Variants in PCDH10 observed in about 807,000 individuals in gnomAD.
The protein encoded by PCDH10 is protocadherin 10.
PCDH10 carries 15 observed loss-of-function variants against 74.4 expected under a neutral mutation model. The ratio of observed to expected loss-of-function variants is 0.20; its 90% CI spans 0.13 to 0.31. PCDH10 has a LOEUF of 0.31. Among genes scored for constraint, PCDH10 ranks in the 10% least tolerant of loss-of-function variants. The pLI is 1.00. For missense variants in PCDH10, 1,260 were observed against 1,390.2 expected, an observed-to-expected ratio of 0.91 and a Z score of 1.49; for synonymous variants, 619 against 589.8, an observed-to-expected ratio of 1.05 and a Z score of -0.72.
downstream of PCDH10, among the ~76,000 whole-genome samples, chr4:133,195,072 A>C (rs1223793786): frequency 6.6e-6 from 1 of 152,066 alleles, no homozygotes; most frequent in East Asian, 1.9e-4. Context: ...ATAGAAATGT[A>C]AGGAAAAATA....
At position 133,194,127 on chromosome 4, in the gene PCDH10, A is replaced by G. The variant is rs1406477519; in HGVS notation, c.*3967A>G. 1 of 151,858 alleles carries G rather than the reference A, an allele frequency of 6.6e-6. No individual in the cohort carries two copies. Among genetic ancestry groups the G allele is most frequent in the Non-Finnish European group, 1.5e-5 (1 of 67,770 alleles). The allele number at this position is 151,858 out of a possible 1,614,324, so 9.4% of individuals were successfully genotyped here. ...GGGTGCCGCCAGAGTATTGCAGGCA[A>G]TAATACGACTAAAATTCTAATACTT... is the stretch of plus-strand genomic sequence containing the variant. On this transcript the variant is annotated 3_prime_UTR_variant, in exon 5 of 5. Coordinates refer to ENST00000264360, the MANE Select transcript of PCDH10 (RefSeq NM_032961.3).
At chr4:133,179,545 T>A (rs759298176) in intron 4 of PCDH10, among the ~76,000 whole-genome samples, 57 of 152,308 alleles carry the variant, frequency 3.7e-4, no homozygotes, top group Non-Finnish European at 7.2e-4. Flanking sequence ...GAAAACCCGC[T>A]TTTCTCTCCA....
In PCDH10 at chr4:133,152,104, A is replaced by G. The variant is rs1260269059; in HGVS notation, c.1964A>G (p.Glu655Gly). ...PAKRDPQRPY[E>G]LVIEVRDHGQ... ...AAGCGCGACCCCCAGCGGCCTTATG[A>G]GCTGGTGATCGAGGTGCGCGACCAT... The change falls in exon 1 of 5, where the codon GAG (glutamate) becomes GGG (glycine). Residue 655 changes from glutamate (E) to glycine (G), a missense_variant. Around this residue, in one of 11 missense-constraint regions of PCDH10, gnomAD observed 587 missense variants for 616.9 expected, o/e 0.95. Transcript: ENST00000264360. 1.3e-6 allele frequency: 2 copies of G among 1,583,204 alleles called. No homozygotes were observed. The highest frequency in any genetic ancestry group is 1.7e-6 in the Non-Finnish European group (2 of 1,165,168).
At chr4:133,180,726 C>T (rs1042876604) in intron 4 of PCDH10, among the ~76,000 whole-genome samples, 4 of 151,762 alleles carry the variant, frequency 2.6e-5, no homozygotes, top group Non-Finnish European at 5.9e-5. Flanking sequence ...ATGAATGCAA[C>T]ATTTTTACTT....
downstream of PCDH10, among the ~76,000 whole-genome samples, chr4:133,195,588 C>A (rs142859069): frequency 1.3e-5 from 2 of 151,716 alleles, no homozygotes; most frequent in Non-Finnish European, 1.5e-5. Context: ...TCTAACAGTG[C>A]GAGAAAGTAA....
At chr4:133,199,875 G>A (rs1727868333) in intron 2 of PCDH10, among the ~76,000 whole-genome samples, 2 of 150,576 alleles carry the variant, frequency 1.3e-5, no homozygotes, top group African/African-American at 4.9e-5. Context: ...TCGGCTCACT[G>A]CAAGTTCCGC....
At chr4:133,199,847 G>C (rs1727867924) in intron 2 of PCDH10, among the ~76,000 whole-genome samples, 1 of 149,496 alleles carries the variant, frequency 6.7e-6, no homozygotes, top group African/African-American at 2.4e-5. Flanking sequence ...ACCCAGGTTG[G>C]AGTGCAGTGG....
chr4:133,207,569 G>GT (rs70959803), intron 2 of PCDH10, among the ~76,000 whole-genome samples: 43 of 150,686 alleles, frequency 2.9e-4, no homozygotes, highest in African/African-American at 1.7e-4. Context: ...TATTTGTGAG[G>GT]TTTTTTTTTC....
rs1167321577 is a variant in PCDH10, at chr4:133,188,665, GTT to G, written c.3104-1452_3104-1451del. Among the ~76,000 whole-genome samples the G allele has an allele frequency of 1.1e-4, 8 of 74,676 alleles. No homozygotes were observed. In the East Asian group the frequency reaches 1.2e-3, roughly 12 times the overall value. The allele number at this position is 74,676 out of a possible 152,430, so 49.0% of individuals were successfully genotyped here. On this transcript the variant is annotated intron_variant, in intron 4 of 4. Coordinates refer to ENST00000264360, the MANE Select transcript of PCDH10 (RefSeq NM_032961.3). ...TGATGATGGTGCCTGACTGCTATGG[GTT>G]TTTTTTTTTTTTTTTTTTTTTTTGA...
intron 2 of PCDH10, among the ~76,000 whole-genome samples, chr4:133,206,510 G>A (rs1430986495): frequency 3.9e-5 from 6 of 152,078 alleles, no homozygotes; most frequent in Non-Finnish European, 2.9e-5. Context: ...CTAAGCCTTG[G>A]GAATTTTTTG....
intron 4 of PCDH10, among the ~76,000 whole-genome samples, chr4:133,171,535 T>G (rs1381961727): frequency 2.0e-5 from 3 of 152,100 alleles, no homozygotes; most frequent in Non-Finnish European, 4.4e-5. Context: ...GTGCAACATG[T>G]AGTAGAAAGT....
chr4:133,205,372 A>G (rs2125878897), intron 2 of PCDH10, among the ~76,000 whole-genome samples: 1 of 152,296 alleles, frequency 6.6e-6, no homozygotes, highest in East Asian at 1.9e-4. Context: ...ATCGTCTTCT[A>G]AGGGAAGTGG....
intron 4 of PCDH10, among the ~76,000 whole-genome samples, chr4:133,173,125 C>T (rs1230102349): frequency 2.6e-5 from 4 of 151,702 alleles, no homozygotes; most frequent in South Asian, 2.1e-4. Flanking sequence ...TTTCTTTGAA[C>T]GCAGATTAGA....
rs773032336 is a variant in PCDH10, at chr4:133,151,711, A to G, written c.1571A>G (p.Tyr524Cys). 2.5e-6 allele frequency: 4 copies of G among 1,613,262 alleles called. No individual in the cohort carries two copies. The highest frequency in any genetic ancestry group is 3.4e-6 in the Non-Finnish European group (4 of 1,180,044). The stretch of plus-strand genomic sequence containing the variant: ...GTTTCTATCAACTCTGAGAACGGCT[A>G]CTTGTACGCCCTGCGCTCCTTCGAC... ...TYVSINSENGYLYALRSFDYE... is the reference protein window; with the variant it reads ...TYVSINSENGCLYALRSFDYE... Residue 524 changes from tyrosine to cysteine, a missense_variant, in exon 1 of 5, where the codon TAC (tyrosine) becomes TGC (cysteine). Tyr to Cys is a radical substitution (Grantham distance 194, BLOSUM62 -2). Coordinates refer to ENST00000264360, the MANE Select transcript of PCDH10 (RefSeq NM_032961.3).
intron 2 of PCDH10, among the ~76,000 whole-genome samples, chr4:133,154,623 C>G (rs886902122): frequency 6.6e-6 from 1 of 152,154 alleles, no homozygotes; most frequent in Admixed American, 6.5e-5. Flanking sequence ...TAGTCTTCCT[C>G]ACTGTTCCAA....
Position 133,151,763 on chromosome 4 carries a change from T to G in PCDH10, c.1623T>G (p.Phe541Leu). 1 of 1,613,126 alleles carries G rather than the reference T, an allele frequency of 6.2e-7. No homozygotes were observed. Among genetic ancestry groups the G allele is most frequent in the East Asian group, 2.2e-5 (1 of 44,856 alleles). Residue 541 changes from phenylalanine to leucine, a missense_variant, in exon 1 of 5, where the codon TTT (phenylalanine) becomes TTG (leucine). Around this residue, in one of 11 missense-constraint regions of PCDH10, gnomAD observed 587 missense variants for 616.9 expected, o/e 0.95. Coordinates refer to ENST00000264360, the MANE Select transcript of PCDH10 (RefSeq NM_032961.3). The part of the protein sequence containing the change: ...FDYEQLKDFS[F>L]QVEARDAGSP... ...ATGAGCAGCTGAAGGACTTCAGTTTTCAGGTGGAAGCCCGGGACGCTGGCA... is the reference window on the plus strand; with the variant it reads ...ATGAGCAGCTGAAGGACTTCAGTTTGCAGGTGGAAGCCCGGGACGCTGGCA...
At chr4:133,178,562 G>A (rs1560712554) in intron 4 of PCDH10, among the ~76,000 whole-genome samples, 2 of 151,788 alleles carry the variant, frequency 1.3e-5, no homozygotes, top group Non-Finnish European at 2.9e-5. Context: ...AAAGTTTTTG[G>A]AAGCAGAAAA....
chr4:133,167,805 C>T (rs1219645435), intron 4 of PCDH10, among the ~76,000 whole-genome samples: 2 of 151,068 alleles, frequency 1.3e-5, no homozygotes, highest in African/African-American at 4.8e-5. Context: ...TAGAAATATA[C>T]TAGTCATTAT....
chr4:133,182,665 C>T (rs1234019899), intron 4 of PCDH10, among the ~76,000 whole-genome samples: 4 of 151,958 alleles, frequency 2.6e-5, no homozygotes, highest in Non-Finnish European at 5.9e-5. Flanking sequence ...ATTTACATTT[C>T]CTAAATGTAC....
Sources: gnomAD v4.1 joint callset for allele counts (sites outside exome capture counted in the v4.1 genomes callset) on GRCh38, gnomAD v4.1.1 for gene constraint, gnomAD v4.1.1 regional missense constraint, MANE v1.5 for transcripts, NCBI Gene and HGNC (gene_info 2026-07-23, HGNC 2026-07-21) for gene names.